The following DPP6 variants were observed in gnomAD, a reference collection of about 807,000 sequenced individuals.
DPP6 encodes the protein dipeptidyl peptidase like 6.
DPP6 carries 69 observed loss-of-function variants against 122.6 expected under a neutral mutation model. The ratio of observed to expected loss-of-function variants is 0.56; its 90% CI spans 0.46 to 0.69. The LOEUF is 0.69. DPP6 is among the 30% of genes least tolerant of loss of function. The pLI is 0.00. For missense variants in DPP6, 928 were observed against 1,116.9 expected, an observed-to-expected ratio of 0.83 and a Z score of 2.41; for synonymous variants, 418 against 433.1, an observed-to-expected ratio of 0.97 and a Z score of 0.43.
At chr7:153,864,687 ACAC>A in the DPP6 span, among the ~76,000 whole-genome samples, 2 of 124,180 alleles carry the variant, frequency 1.6e-5, no homozygotes, top group Non-Finnish European at 3.4e-5. Context: ...ACACACACAC[ACAC>A]ACACACACAC....
intron 1 of DPP6, among the ~76,000 whole-genome samples, chr7:154,420,973 A>G (rs1278147936): frequency 6.6e-6 from 1 of 152,208 alleles, no homozygotes; most frequent in Non-Finnish European, 1.5e-5. Context: ...TGTTCTTACC[A>G]CAATAAAACT....
rs146035535 is a variant in DPP6 at position 154,824,268 on chromosome 7, T to TTTTG, written c.1666+17180_1666+17183dup. On this transcript the variant is annotated intron_variant, in intron 16 of 25. Transcript: ENST00000377770. ...AATGTTTTTGTTGTTGTTGTTGTTG[T>TTTTG]TTTGTTTGTTTGTTTGTTTGTTTGT... Among the ~76,000 whole-genome samples the TTTTG allele has an allele frequency of 3.5e-3, 534 of 151,516 alleles. 2 individuals carry two copies. The highest frequency in any genetic ancestry group is 0.012 in the African/African-American group (493 of 41,270).
At chr7:154,065,087 C>T (rs1303495819) in intron 1 of DPP6, among the ~76,000 whole-genome samples, 2 of 152,012 alleles carry the variant, frequency 1.3e-5, no homozygotes, top group Non-Finnish European at 2.9e-5. Flanking sequence ...GGTGACTGTT[C>T]CTGCATCTGA....
chr7:154,627,607 G>T (rs1334947860), intron 5 of DPP6, among the ~76,000 whole-genome samples: 1 of 152,144 alleles, frequency 6.6e-6, no homozygotes, highest in African/African-American at 2.4e-5. Context: ...TTAATATGGG[G>T]GTGACTACGA....
chr7:154,397,803 C>T (rs578013678), intron 1 of DPP6, among the ~76,000 whole-genome samples: 2 of 152,292 alleles, frequency 1.3e-5, no homozygotes, highest in South Asian at 2.1e-4. Flanking sequence ...GTGTGTGATA[C>T]ATTTGTTTGC....
chr7:154,602,339 G>A lies in DPP6; in HGVS notation c.627+35423G>A, dbSNP rs1833437581. Among the ~76,000 whole-genome samples, 2 of 120,724 alleles carry A rather than the reference G, an allele frequency of 1.7e-5. 1 individual carries two copies. Among genetic ancestry groups the A allele is most frequent in the South Asian group, 6.8e-4 (2 of 2,956 alleles). 79.2% of individuals were successfully genotyped at this position (120,724 alleles called of 152,430 possible). A position where few individuals can be genotyped will look rare whatever the true frequency, so the allele number is the denominator to read the frequency against. On this transcript the variant is annotated intron_variant, in intron 5 of 25. Transcript: ENST00000377770. ...ATATGTTTAAATCCCATAATACATT[G>A]TTATTATTTGTAGTTTAGAAAATCA... is the stretch of plus-strand genomic sequence containing the variant.
At chr7:153,763,967 T>A in the DPP6 span, among the ~76,000 whole-genome samples, 1 of 152,174 alleles carries the variant, frequency 6.6e-6, no homozygotes, top group South Asian at 2.1e-4. Context: ...TCACCTGTGT[T>A]ATATGGGTAA....
intron 15 of DPP6, 26 bp downstream of exon 15, chr7:154,804,990 G>A (rs901000332): frequency 6.3e-7 from 1 of 1,585,598 alleles, no homozygotes; most frequent in Non-Finnish European, 8.6e-7. Context: ...CCTGCACACA[G>A]GGCTCTCCCC....
intron 5 of DPP6, among the ~76,000 whole-genome samples, chr7:154,612,865 CT>C (rs143188885): frequency 0.4 from 61,504 of 152,006 alleles, 13,454 homozygotes; most frequent in East Asian, 0.65. Context: ...GGCTTATTGT[CT>C]TATTTGGGCT....
chr7:154,603,656 C>CAAAAAA (rs779501891), intron 5 of DPP6, among the ~76,000 whole-genome samples: 441 of 24,962 alleles, frequency 0.018, 71 homozygotes, highest in African/African-American at 0.02. Flanking sequence ...AACTCTGTCT[C>CAAAAAA]AAAAAAAAAA....
chr7:154,190,715 G>A (rs551322866), intron 1 of DPP6, among the ~76,000 whole-genome samples: 21 of 152,124 alleles, frequency 1.4e-4, no homozygotes, highest in African/African-American at 5.1e-4. Flanking sequence ...AGGATAAATA[G>A]AGTCCATTTT....
At chr7:154,002,704 C>T (rs560535580) in intron 1 of DPP6, among the ~76,000 whole-genome samples, 4 of 152,264 alleles carry the variant, frequency 2.6e-5, no homozygotes, top group South Asian at 2.1e-4. Flanking sequence ...CAGTCCATGA[C>T]GTCTGTGACA....
At chr7:154,533,420 T>C (rs1174261457) in intron 3 of DPP6, among the ~76,000 whole-genome samples, 2 of 152,184 alleles carry the variant, frequency 1.3e-5, no homozygotes. Context: ...CTATTTCGGT[T>C]AAAGAACTTG....
At chr7:154,849,617 G>T (rs1802216549) in intron 16 of DPP6, among the ~76,000 whole-genome samples, 1 of 152,182 alleles carries the variant, frequency 6.6e-6, no homozygotes, top group African/African-American at 2.4e-5. Context: ...TCAGCAAACA[G>T]AAAAATTAAC....
At chr7:154,748,780 G>A (rs190119765) in intron 8 of DPP6, among the ~76,000 whole-genome samples, 1 of 152,238 alleles carries the variant, frequency 6.6e-6, no homozygotes, top group Non-Finnish European at 1.5e-5. Flanking sequence ...TGGAACGGAC[G>A]TGCCTATAAC....
rs190157120 is a variant in DPP6, at chr7:154,892,404, A to G, written c.2522A>G (p.Asn841Ser). The part of the protein sequence containing the change: ...LKQHLYRSII[N>S]FFVECFRIQD... ...CAGCATCTGTACCGGTCCATCATCA[A>G]CTTCTTCGTGGAATGCTTCAGGATC... Residue 841 changes from asparagine to serine, a missense_variant, in exon 26 of 26, where the codon AAC becomes AGC. Coordinates refer to ENST00000377770, the MANE Select transcript of DPP6 (RefSeq NM_130797.4). 1.4e-5 allele frequency: 22 copies of G among 1,613,998 alleles called. No homozygotes were observed. The African/African-American group carries it at 2.4e-4, about 18-fold the overall frequency.
intron 1 of DPP6, among the ~76,000 whole-genome samples, chr7:154,200,154 G>A (rs1055647957): frequency 6.6e-6 from 1 of 152,160 alleles, no homozygotes; most frequent in African/African-American, 2.4e-5. Flanking sequence ...AGTCCAGGGT[G>A]TAGCTTGGCT....
chr7:154,819,423 A>T (rs6978440), intron 16 of DPP6, among the ~76,000 whole-genome samples: 89,059 of 150,106 alleles, frequency 0.59, 29,824 homozygotes, highest in Non-Finnish European at 0.76. Flanking sequence ...CTCAATAAAT[A>T]AATAAATTAA....
chr7:154,253,257 A>G (rs4129040), intron 1 of DPP6, among the ~76,000 whole-genome samples: 37,842 of 152,086 alleles, frequency 0.25, 4,857 homozygotes, highest in Non-Finnish European at 0.27. Context: ...GTTGTTGGTG[A>G]GTGGGACATG....
Sources: gnomAD v4.1 joint callset for allele counts (sites outside exome capture counted in the v4.1 genomes callset) on GRCh38, gnomAD v4.1.1 for gene constraint, MANE v1.5 for transcripts, NCBI Gene and HGNC (gene_info 2026-07-23, HGNC 2026-07-21) for gene names.